SNTG1: variants seen among roughly 807,000 people sequenced by gnomAD.
SNTG1 encodes gamma-1-syntrophin.
Under a neutral mutation model 74.7 loss-of-function variants are expected in SNTG1, and 39 were observed. The observed-to-expected ratio is 0.52, with a 90% CI of 0.40 to 0.68. The LOEUF (loss-of-function observed/expected upper bound fraction) is 0.68. SNTG1 is among the 30% of genes least tolerant of loss of function. SNTG1 has a pLI of 0.00. For synonymous variants in SNTG1, 254 were observed against 217.1 expected (o/e 1.17, Z -1.49); for missense variants, 685 against 609.5 (o/e 1.12, Z -1.30).
At chr8:50,363,091 T>A (rs2092006487) in intron 2 of SNTG1, among the ~76,000 whole-genome samples, 1 of 152,178 alleles carries the variant, frequency 6.6e-6, no homozygotes, top group African/African-American at 2.4e-5. Flanking sequence ...TTTTTAAGGC[T>A]AAATAATGGT....
At chr8:50,762,629 C>G in intron 18 of SNTG1, 1 of 432,186 alleles carries the variant, frequency 2.3e-6, no homozygotes, top group Admixed American at 2.3e-5. Context: ...CCAGGTGATG[C>G]CTTTGTTCTT....
At chr8:50,661,537 T>A (rs2095223308) in intron 15 of SNTG1, among the ~76,000 whole-genome samples, 1 of 152,178 alleles carries the variant, frequency 6.6e-6, no homozygotes, top group Admixed American at 6.6e-5. Context: ...CTTAGTTTAC[T>A]TGAATTTTTT....
intron 1 of SNTG1, among the ~76,000 whole-genome samples, chr8:50,084,071 C>T (rs943134003): frequency 2.6e-5 from 4 of 152,166 alleles, no homozygotes; most frequent in Middle Eastern, 3.2e-3. Flanking sequence ...GTAATAGATA[C>T]TCCAAAAGCC....
chr8:50,689,093 TTGA>T (rs1563745668), intron 15 of SNTG1, among the ~76,000 whole-genome samples: 17 of 145,114 alleles, frequency 1.2e-4, no homozygotes, highest in Admixed American at 2.1e-4. Context: ...TTTGTGAACA[TTGA>T]TTTTGTATCC....
Position 50,752,130 on chromosome 8 carries a change from T to A in SNTG1, c.1395+19T>A. On this transcript the variant is annotated intron_variant, in intron 18 of 18. Coordinates refer to ENST00000642720, the MANE Select transcript of SNTG1 (RefSeq NM_018967.5). ...AGCAAAGGTAAACCCAAGAAATTCA[T>A]CACATAACACCTCTAACTACATTAA... 1 of 1,388,382 alleles carries A rather than the reference T, an allele frequency of 7.2e-7. No individual in the cohort carries two copies. The highest frequency in any genetic ancestry group is 9.8e-7 in the Non-Finnish European group (1 of 1,024,570). The allele number at this position is 1,388,382 out of a possible 1,614,324, so 86.0% of individuals were successfully genotyped here.
At chr8:50,276,423 C>T (rs1473690298) in intron 2 of SNTG1, among the ~76,000 whole-genome samples, 1 of 145,962 alleles carries the variant, frequency 6.9e-6, no homozygotes, top group African/African-American at 2.6e-5. Context: ...CATATATTAA[C>T]TAACTAAACA....
At chr8:50,688,117 T>C (rs1489645275) in intron 15 of SNTG1, among the ~76,000 whole-genome samples, 1 of 152,244 alleles carries the variant, frequency 6.6e-6, no homozygotes, top group Non-Finnish European at 1.5e-5. Context: ...GTTTTTTTCT[T>C]GTAAATTTGT....
At chr8:50,589,392 C>A (rs1210804838) in intron 12 of SNTG1, among the ~76,000 whole-genome samples, 1 of 152,016 alleles carries the variant, frequency 6.6e-6, no homozygotes, top group African/African-American at 2.4e-5. Context: ...CAAACGCTCC[C>A]AAGGGTGGGT....
At chr8:50,222,404 C>T (rs529024386) in intron 2 of SNTG1, among the ~76,000 whole-genome samples, 1 of 152,164 alleles carries the variant, frequency 6.6e-6, no homozygotes. Flanking sequence ...ATCTCTTTCA[C>T]TGTCATAATT....
chr8:50,238,703 C>A (rs2086029894), intron 2 of SNTG1, among the ~76,000 whole-genome samples: 1 of 152,068 alleles, frequency 6.6e-6, no homozygotes, highest in South Asian at 2.1e-4. Context: ...AGTAAACAGA[C>A]AACCTACAGA....
In SNTG1 at chr8:50,550,697, A is replaced by G. The variant is rs189516065; in HGVS notation, c.681-2353A>G. Among the ~76,000 whole-genome samples, 627 of 149,864 alleles carry G rather than the reference A, an allele frequency of 4.2e-3. 5 individuals are homozygous for G. Among genetic ancestry groups the G allele is most frequent in the African/African-American group, 0.014 (562 of 39,470 alleles). On this transcript the variant is annotated intron_variant, in intron 11 of 18. Transcript: ENST00000642720. ...GTAATTTTTTTTAGTGTGTGTGTAT[A>G]TATATATATATGACACATAATTTTG...
intron 1 of SNTG1, among the ~76,000 whole-genome samples, chr8:50,048,218 G>A (rs1209545527): frequency 6.6e-6 from 1 of 152,058 alleles, no homozygotes; most frequent in Admixed American, 6.6e-5. Flanking sequence ...AAAATAAGGG[G>A]TTAAAGTGGG....
At chr8:50,574,056 C>T (rs1281238851) in intron 12 of SNTG1, among the ~76,000 whole-genome samples, 1 of 151,938 alleles carries the variant, frequency 6.6e-6, no homozygotes, top group East Asian at 1.9e-4. Context: ...CAGTAATTAC[C>T]TGTAACATCT....
chr8:50,550,252 C>A (rs2094416590), intron 11 of SNTG1, among the ~76,000 whole-genome samples: 1 of 152,136 alleles, frequency 6.6e-6, no homozygotes, highest in South Asian at 2.1e-4. Context: ...TCTGAGCCTG[C>A]CTGTTTTTCC....
intron 2 of SNTG1, among the ~76,000 whole-genome samples, chr8:50,264,167 G>A (rs1038262641): frequency 3.3e-5 from 5 of 152,014 alleles, no homozygotes; most frequent in African/African-American, 1.2e-4. Context: ...CAAAACTTAC[G>A]GGATCCAGAT....
intron 2 of SNTG1, among the ~76,000 whole-genome samples, chr8:50,332,672 C>T (rs937931329): frequency 3.3e-5 from 5 of 152,140 alleles, no homozygotes; most frequent in African/African-American, 7.2e-5. Flanking sequence ...ATACATGGCT[C>T]AGCTACTGAG....
At chr8:49,940,189 C>T (rs1194233919) in intron 1 of SNTG1, among the ~76,000 whole-genome samples, 1 of 152,122 alleles carries the variant, frequency 6.6e-6, no homozygotes, top group Non-Finnish European at 1.5e-5. Flanking sequence ...CCTGAAAGAC[C>T]TGGGAAACTG....
intron 8 of SNTG1, among the ~76,000 whole-genome samples, chr8:50,484,859 CAA>C (rs1027673294): frequency 7.8e-6 from 1 of 128,162 alleles, no homozygotes. Flanking sequence ...GACTCCATCT[CAA>C]AAAAAAAAAG....
chr8:50,356,372 G>A (rs1450757198), intron 2 of SNTG1, among the ~76,000 whole-genome samples: 1 of 152,084 alleles, frequency 6.6e-6, no homozygotes, highest in Non-Finnish European at 1.5e-5. Flanking sequence ...CAGAACCAGG[G>A]ATTTAGGGCC....
Sources: allele counts gnomAD v4.1 joint callset (sites outside exome capture counted in the v4.1 genomes callset), GRCh38; gene constraint gnomAD v4.1.1; transcripts MANE v1.5; gene names NCBI Gene and HGNC (gene_info 2026-07-23, HGNC 2026-07-21).